Variants in CREB5 observed in about 807,000 individuals in gnomAD.
CREB5 encodes cyclic AMP-responsive element-binding protein 5.
A neutral mutation model predicts 57.1 loss-of-function variants in CREB5; 19 were observed. The ratio of observed to expected loss-of-function variants is 0.33; its 90% CI spans 0.23 to 0.49. The LOEUF (loss-of-function observed/expected upper bound fraction) is 0.49. Ranked by LOEUF, CREB5 falls within the 20% of genes least tolerant of loss-of-function variation. The pLI, the probability that CREB5 is intolerant of heterozygous loss-of-function variation, is 0.99. For synonymous variants in CREB5, 238 were observed against 238.3 expected (o/e 1.00, Z 0.01); for missense variants, 579 against 671.6 (o/e 0.86, Z 1.52).
chr7:28,610,659 T>C (rs1797348164), intron 5 of CREB5, among the ~76,000 whole-genome samples: 1 of 152,088 alleles, frequency 6.6e-6, no homozygotes, highest in Admixed American at 6.6e-5. Context: ...AACCTAAAAA[T>C]TTAACTCTTC....
intron 4 of CREB5, among the ~76,000 whole-genome samples, chr7:28,565,449 A>G (rs1413901747): frequency 2.0e-5 from 3 of 152,160 alleles, no homozygotes; most frequent in Admixed American, 1.3e-4. Flanking sequence ...GTGGCATGGT[A>G]TTGGTGATGG....
chr7:28,769,725 G>A (rs1425147146), intron 7 of CREB5, among the ~76,000 whole-genome samples: 1 of 152,164 alleles, frequency 6.6e-6, no homozygotes, highest in Non-Finnish European at 1.5e-5. Context: ...AGGGCAGTTA[G>A]AGTATGACCA....
At chr7:28,629,754 A>G (rs1798134474) in intron 5 of CREB5, among the ~76,000 whole-genome samples, 1 of 152,162 alleles carries the variant, frequency 6.6e-6, no homozygotes, top group Non-Finnish European at 1.5e-5. Context: ...GCATCTATTA[A>G]ATTGTAAAAG....
rs1295465186 is a variant in CREB5, at chr7:28,825,311, A to T, written c.*6032A>T. On this transcript the variant is annotated 3_prime_UTR_variant, in exon 11 of 11. Transcript: ENST00000357727. ...TTCTGCTAAATCACATCTGCCTCAT[A>T]GAGAAAGGAATGTTGCCTTTGAGAA... 2 of 152,326 alleles carry T rather than the reference A, an allele frequency of 1.3e-5. No homozygotes were observed. Among genetic ancestry groups the T allele is most frequent in the African/African-American group, 4.8e-5 (2 of 41,458 alleles). The allele number at this position is 152,326 out of a possible 1,614,324, so 9.4% of individuals were successfully genotyped here.
At chr7:28,410,862 C>T (rs887149045), upstream of CREB5, 2 of 307,598 alleles carry the variant, frequency 6.5e-6, no homozygotes, top group African/African-American at 2.2e-5. Context: ...CCTACCCTCC[C>T]CACAACACAC....
At chr7:28,387,710 A>T (rs62451098) in intron 1 of CREB5, among the ~76,000 whole-genome samples, 10,203 of 152,104 alleles carry the variant, frequency 0.067, 494 homozygotes, top group Admixed American at 0.11. Context: ...TCATGGAATG[A>T]TCTGTGCAGC....
At chr7:28,410,325 A>G (rs1319289733), upstream of CREB5, 1 of 456,602 alleles carries the variant, frequency 2.2e-6, no homozygotes, top group Admixed American at 2.3e-5. Context: ...CGCTGCCCCA[A>G]ATGACAGCTC....
intron 5 of CREB5, among the ~76,000 whole-genome samples, chr7:28,598,016 T>TTATG (rs386409794): frequency 6.6e-6 from 1 of 151,416 alleles, no homozygotes; most frequent in Non-Finnish European, 1.5e-5. Flanking sequence ...TAGGATGTAT[T>TTATG]TATGAACTTG....
intron 9 of CREB5, among the ~76,000 whole-genome samples, chr7:28,817,591 T>G (rs758905260): frequency 6.6e-5 from 10 of 152,228 alleles, no homozygotes; most frequent in Non-Finnish European, 1.3e-4. Context: ...CCTGAGCTTG[T>G]GAAGGTTACA....
At chr7:28,624,188 A>C (rs1199812388) in intron 5 of CREB5, among the ~76,000 whole-genome samples, 3 of 152,222 alleles carry the variant, frequency 2.0e-5, no homozygotes, top group Non-Finnish European at 2.9e-5. Flanking sequence ...AAATAAGGAA[A>C]TCCTTTAGAC....
At position 28,656,672 on chromosome 7, in the gene CREB5, G is replaced by C. The variant is rs186424138; in HGVS notation, c.465-62081G>C. On this transcript the variant is annotated intron_variant, in intron 5 of 10. Coordinates refer to ENST00000357727, the MANE Select transcript of CREB5 (RefSeq NM_182898.4). ...CTGACCTCCTCTCTCAGGAAAAGGG[G>C]CTGAGGAGTGTGTGAACAGGAGGGA... Among the ~76,000 whole-genome samples, 1,117 of 152,290 alleles carry C rather than the reference G, an allele frequency of 7.3e-3. 43 individuals are homozygous for C. Among genetic ancestry groups the C allele is most frequent in the Admixed American group, 0.06 (911 of 15,290 alleles).
intron 1 of CREB5, among the ~76,000 whole-genome samples, chr7:28,309,942 G>A (rs1211063092): frequency 6.7e-6 from 1 of 150,292 alleles, no homozygotes; most frequent in Admixed American, 6.6e-5. Context: ...CATTAGTGAG[G>A]CTCAAAACAA....
intron 8 of CREB5, among the ~76,000 whole-genome samples, chr7:28,808,177 A>ATCACCTAG (rs1156353956): frequency 6.6e-6 from 1 of 152,180 alleles, no homozygotes; most frequent in Non-Finnish European, 1.5e-5. Context: ...CAGCTTCCCA[A>ATCACCTAG]TCACCTAGAA....
chr7:28,406,283 C>T (rs1787577728), intron 1 of CREB5, among the ~76,000 whole-genome samples: 2 of 152,198 alleles, frequency 1.3e-5, no homozygotes, highest in African/African-American at 4.8e-5. Flanking sequence ...TGCTTCCCCA[C>T]TGGCCCAGCT....
intron 3 of CREB5, among the ~76,000 whole-genome samples, chr7:28,495,378 C>CA (rs1197350886): frequency 6.6e-6 from 1 of 151,766 alleles, no homozygotes; most frequent in Non-Finnish European, 1.5e-5. Context: ...CCCATCTCTA[C>CA]AAAAAATACA....
intron 1 of CREB5, among the ~76,000 whole-genome samples, chr7:28,319,893 C>T (rs1785460718): frequency 6.8e-6 from 1 of 147,470 alleles, no homozygotes; most frequent in African/African-American, 2.4e-5. Flanking sequence ...CTTTTTGCTA[C>T]AAATAGTGTT....
chr7:28,377,036 G>A (rs774148727), intron 1 of CREB5, among the ~76,000 whole-genome samples: 1 of 152,214 alleles, frequency 6.6e-6, no homozygotes. Flanking sequence ...CAATGCCTTA[G>A]TAACCCTTGA....
chr7:28,323,731 G>A (rs1785530545), intron 1 of CREB5, among the ~76,000 whole-genome samples: 1 of 152,076 alleles, frequency 6.6e-6, no homozygotes. Flanking sequence ...ATGGTTTCGG[G>A]ATTATTCAAG....
At chr7:28,386,397 G>T (rs1327182944) in intron 1 of CREB5, among the ~76,000 whole-genome samples, 1 of 152,162 alleles carries the variant, frequency 6.6e-6, no homozygotes, top group Non-Finnish European at 1.5e-5. Context: ...GAAATCTGCT[G>T]CTGGTTTAAC....
Sources: gnomAD v4.1 joint callset for allele counts (sites outside exome capture counted in the v4.1 genomes callset) on GRCh38, gnomAD v4.1.1 for gene constraint, MANE v1.5 for transcripts, NCBI Gene and HGNC (gene_info 2026-07-23, HGNC 2026-07-21) for gene names.